The following COL22A1 variants were observed in gnomAD, a reference collection of about 807,000 sequenced individuals.
COL22A1 encodes collagen alpha-1(XXII) chain.
COL22A1 carries 221 observed loss-of-function variants against 248.9 expected under a neutral mutation model. That is an observed-to-expected ratio of 0.89 (90% CI 0.80 to 0.99). The LOEUF (loss-of-function observed/expected upper bound fraction) is 0.99. Among genes scored for constraint, COL22A1 ranks in the 50% least tolerant of loss-of-function variants. The probability of loss-of-function intolerance (pLI) is 0.00; values close to 1 mark genes in which losing one functional copy is unlikely to be tolerated. For synonymous variants in COL22A1, 891 were observed against 793.4 expected (o/e 1.12, Z -2.07); for missense variants, 2,240 against 2,179.0 (o/e 1.03, Z -0.56).
chr8:138,663,014 ACT>A (rs1491416622), intron 42 of COL22A1, among the ~76,000 whole-genome samples: 1 of 146,466 alleles, frequency 6.8e-6, no homozygotes, highest in African/African-American at 2.7e-5. Context: ...GGACTCTGTC[ACT>A]CACACACACA....
chr8:138,682,850 C>T (rs796446032), intron 39 of COL22A1, among the ~76,000 whole-genome samples: 4 of 152,294 alleles, frequency 2.6e-5, no homozygotes, highest in African/African-American at 9.6e-5. Context: ...CAGGCGCATA[C>T]TACCACACCC....
chr8:138,660,839 G>A (rs200855763), intron 43 of COL22A1, among the ~76,000 whole-genome samples: 1 of 89,602 alleles, frequency 1.1e-5, no homozygotes, highest in Admixed American at 1.1e-4. Flanking sequence ...TACACACACA[G>A]ACACACACAC....
At chr8:138,612,156 T>C (rs1818914628) in intron 56 of COL22A1, among the ~76,000 whole-genome samples, 1 of 151,956 alleles carries the variant, frequency 6.6e-6, no homozygotes, top group African/African-American at 2.4e-5. Context: ...GAGGGTGGGA[T>C]TGGGTGGGGG....
chr8:138,752,009 G>C (rs966742052), intron 21 of COL22A1, among the ~76,000 whole-genome samples: 1 of 152,154 alleles, frequency 6.6e-6, no homozygotes, highest in African/African-American at 2.4e-5. Flanking sequence ...GCGCAGGGAG[G>C]GGTCATACTG....
At chr8:138,775,839 CATGTGCACACATGCACACACAAAT>C (rs1814398707) in intron 16 of COL22A1, 103 bp downstream of exon 16, 1 of 905,160 alleles carries the variant, frequency 1.1e-6, no homozygotes, top group Non-Finnish European at 1.9e-6. Flanking sequence ...CATGTACACA[CATGTGCACACATGCACACACAAAT>C]GTGTACACAC....
At chr8:138,694,629 G>A (rs564428446) in intron 33 of COL22A1, 68 bp from the exon 34 acceptor site, 25 of 1,539,498 alleles carry the variant, frequency 1.6e-5, no homozygotes, top group Middle Eastern at 1.7e-4. Flanking sequence ...CGGATGGGGC[G>A]GGGACGTTGC....
Position 138,649,771 on chromosome 8 carries a change from C to A in COL22A1, c.3341G>T (p.Cys1114Phe). Reference sequence around the variant, plus strand: ...TGGGGGGCCAGGAGGGCAGTCATTGCACACATCCTGAGAGTGGGGAGAGAG... The same window carrying A: ...TGGGGGGCCAGGAGGGCAGTCATTGAACACATCCTGAGAGTGGGGAGAGAG... ...GDINLLAKDV[C>F]NDCPPGPPGL... is the part of the protein sequence containing the mutation. The change falls in exon 46 of 65, where the codon TGC (cysteine) becomes TTC (phenylalanine). Residue 1114 changes from cysteine to phenylalanine, a missense_variant. Coordinates refer to ENST00000303045, the MANE Select transcript of COL22A1 (RefSeq NM_152888.3). The A allele has an allele frequency of 6.3e-7, 1 of 1,588,614 alleles. No homozygotes were observed. The highest frequency in any genetic ancestry group is 8.6e-7 in the Non-Finnish European group (1 of 1,168,462).
chr8:138,857,959 T>G (rs1822167398), intron 3 of COL22A1, among the ~76,000 whole-genome samples: 2 of 152,216 alleles, frequency 1.3e-5, no homozygotes, highest in Non-Finnish European at 2.9e-5. Context: ...CGGTTATAAT[T>G]GGCTTTTACA....
At chr8:138,593,867 T>C in intron 63 of COL22A1, 150 bp downstream of exon 63, 2 of 545,138 alleles carry the variant, frequency 3.7e-6, no homozygotes, top group Non-Finnish European at 6.1e-6. Flanking sequence ...ATGCATATGA[T>C]AAAATTATAT....
chr8:138,725,786 CACACACACACACAT>C (rs747467231), intron 23 of COL22A1, among the ~76,000 whole-genome samples: 6 of 97,432 alleles, frequency 6.2e-5, no homozygotes, highest in East Asian at 3.4e-4. Context: ...CACACACACA[CACACACACACACAT>C]AGTCTGACCC....
chr8:138,759,132 G>A (rs1833249268), intron 18 of COL22A1, among the ~76,000 whole-genome samples: 1 of 152,234 alleles, frequency 6.6e-6, no homozygotes, highest in Non-Finnish European at 1.5e-5. Flanking sequence ...GGCTAGCACT[G>A]AAGCCCGAGT....
chr8:138,621,831 T>C (rs1482585859), intron 52 of COL22A1, among the ~76,000 whole-genome samples: 1 of 152,216 alleles, frequency 6.6e-6, no homozygotes, highest in African/African-American at 2.4e-5. Flanking sequence ...GTGTGATATG[T>C]GTGCTTCTCT....
chr8:138,636,246 C>T (rs956283258), intron 48 of COL22A1, among the ~76,000 whole-genome samples: 1 of 151,790 alleles, frequency 6.6e-6, no homozygotes, highest in Non-Finnish European at 1.5e-5. Context: ...GCAGTGAGCC[C>T]TTATTGGTAC....
chr8:138,653,716 G>A (rs1166421237), intron 45 of COL22A1, among the ~76,000 whole-genome samples: 1 of 152,112 alleles, frequency 6.6e-6, no homozygotes, highest in African/African-American at 2.4e-5. Flanking sequence ...ACTCTCTGGG[G>A]CAGAGACAAA....
chr8:138,641,521 A>C (rs1821706824), intron 47 of COL22A1, among the ~76,000 whole-genome samples: 1 of 152,142 alleles, frequency 6.6e-6, no homozygotes, highest in African/African-American at 2.4e-5. Flanking sequence ...CCTCCTTTAC[A>C]CGGATCATAA....
At chr8:138,894,533 A>G (rs1723870454) in intron 1 of COL22A1, among the ~76,000 whole-genome samples, 1 of 152,190 alleles carries the variant, frequency 6.6e-6, no homozygotes, top group African/African-American at 2.4e-5. Context: ...GGAAATACTG[A>G]GGTAAATTTG....
At chr8:138,766,098 A>G (rs1833891552) in intron 16 of COL22A1, among the ~76,000 whole-genome samples, 1 of 152,186 alleles carries the variant, frequency 6.6e-6, no homozygotes, top group Non-Finnish European at 1.5e-5. Context: ...TTTGGCATAG[A>G]TGTGGACCTG....
chr8:138,838,835 C>T (rs1242727874), intron 4 of COL22A1, among the ~76,000 whole-genome samples: 4 of 152,216 alleles, frequency 2.6e-5, no homozygotes, highest in South Asian at 2.1e-4. Flanking sequence ...CCAGGGAAGC[C>T]GCTGGACCAC....
At chr8:138,672,740 C>A (rs975018489) in intron 41 of COL22A1, among the ~76,000 whole-genome samples, 2 of 152,176 alleles carry the variant, frequency 1.3e-5, no homozygotes, top group African/African-American at 2.4e-5. Context: ...GTATTATCAC[C>A]AGTATTATCA....
Sources: gnomAD v4.1 joint callset for allele counts (sites outside exome capture counted in the v4.1 genomes callset) on GRCh38, gnomAD v4.1.1 for gene constraint, MANE v1.5 for transcripts, NCBI Gene and HGNC (gene_info 2026-07-23, HGNC 2026-07-21) for gene names.